THSD7A: variants seen among roughly 807,000 people sequenced by gnomAD.
The protein encoded by THSD7A is thrombospondin type-1 domain-containing protein 7A.
Under a neutral mutation model 231.3 loss-of-function variants are expected in THSD7A, and 96 were observed. That is an observed-to-expected ratio of 0.41 (90% CI 0.35 to 0.49). THSD7A has a LOEUF of 0.49. THSD7A is among the 20% of genes least tolerant of loss of function. The pLI is 0.05. For missense variants in THSD7A, 2,290 were observed against 2,070.2 expected (o/e 1.11, Z -2.06); for synonymous variants, 940 against 743.3 (o/e 1.26, Z -4.30).
intron 1 of THSD7A, among the ~76,000 whole-genome samples, chr7:11,662,312 T>C (rs1044788223): frequency 6.6e-6 from 1 of 151,306 alleles, no homozygotes; most frequent in Non-Finnish European, 1.5e-5. Flanking sequence ...TACAGATTGG[T>C]AAGTTTTAAT....
intron 6 of THSD7A, among the ~76,000 whole-genome samples, chr7:11,524,181 C>A (rs954237345): frequency 6.6e-6 from 1 of 152,100 alleles, no homozygotes; most frequent in Non-Finnish European, 1.5e-5. Context: ...TGTACCCTGG[C>A]TCTGTGGTGG....
At chr7:11,533,292 G>A (rs567561371) in intron 6 of THSD7A, among the ~76,000 whole-genome samples, 21 of 152,128 alleles carry the variant, frequency 1.4e-4, no homozygotes, top group Admixed American at 8.5e-4. Flanking sequence ...CATTTCTTAT[G>A]GAAAAGGAAA....
rs1781762292 is a variant in THSD7A, at chr7:11,634,451, A to G, written c.1022+1679T>C. On this transcript the variant is annotated intron_variant, in intron 2 of 27. Coordinates refer to ENST00000423059, the MANE Select transcript of THSD7A (RefSeq NM_015204.3). The surrounding 1 kb of genome is among the most constrained non-coding windows in gnomAD (Gnocchi z 4.1). Reference sequence around the variant, plus strand: ...CTCAACTTGTCTTGGAGACTCATTCAATTATTTGATGTCAGCCAAGTAACT... The same window carrying G: ...CTCAACTTGTCTTGGAGACTCATTCGATTATTTGATGTCAGCCAAGTAACT... 6.6e-6 allele frequency among the ~76,000 whole-genome samples: 1 copy of G among 152,214 alleles called. No homozygotes were observed. Among genetic ancestry groups the G allele is most frequent in the Non-Finnish European group, 1.5e-5 (1 of 68,034 alleles).
At chr7:11,667,955 A>C (rs1236067645) in intron 1 of THSD7A, among the ~76,000 whole-genome samples, 1 of 152,178 alleles carries the variant, frequency 6.6e-6, no homozygotes, top group Non-Finnish European at 1.5e-5. Flanking sequence ...TAGAATAAGA[A>C]GAGGCTTTAG....
rs73676027 is a variant in THSD7A at position 11,576,485 on chromosome 7, C to T, written c.1453+13975G>A. Among the ~76,000 whole-genome samples the T allele has an allele frequency of 2.8e-3, 425 of 152,256 alleles. 2 individuals carry two copies. Among genetic ancestry groups the T allele is most frequent in the African/African-American group, 9.7e-3 (402 of 41,566 alleles). Reference sequence around the variant, plus strand: ...ACACAGCACGAATGCATATTGTTCACATGGAAAGAGTCACTGCGATTCATA... The same window carrying T: ...ACACAGCACGAATGCATATTGTTCATATGGAAAGAGTCACTGCGATTCATA... On this transcript the variant is annotated intron_variant, in intron 4 of 27. Coordinates refer to ENST00000423059, the MANE Select transcript of THSD7A (RefSeq NM_015204.3).
intron 23 of THSD7A, among the ~76,000 whole-genome samples, chr7:11,390,668 G>C (rs10950346): frequency 1.3e-5 from 2 of 152,020 alleles, no homozygotes; most frequent in African/African-American, 4.8e-5. Context: ...GAGGGGAAGA[G>C]GCATTCTGGT....
At chr7:11,507,522 T>A (rs1787602555) in intron 6 of THSD7A, among the ~76,000 whole-genome samples, 4 of 152,032 alleles carry the variant, frequency 2.6e-5, no homozygotes, top group South Asian at 2.1e-4. Context: ...AAAAATATTA[T>A]CCTTATTTAG....
At chr7:11,756,496 G>T (rs972455888) in intron 1 of THSD7A, among the ~76,000 whole-genome samples, 1 of 152,030 alleles carries the variant, frequency 6.6e-6, no homozygotes, top group African/African-American at 2.4e-5. Flanking sequence ...TTTCTGAGAA[G>T]TGTCTAATGC....
intron 13 of THSD7A, among the ~76,000 whole-genome samples, chr7:11,430,435 T>C (rs1784444995): frequency 6.6e-6 from 1 of 152,204 alleles, no homozygotes; most frequent in Non-Finnish European, 1.5e-5. Flanking sequence ...AGACATTTCA[T>C]ATAAATGAAG....
intron 9 of THSD7A, among the ~76,000 whole-genome samples, chr7:11,465,244 C>T (rs947957463): frequency 6.6e-6 from 1 of 151,972 alleles, no homozygotes; most frequent in Non-Finnish European, 1.5e-5. Flanking sequence ...TCCACTTATT[C>T]CTTTATAGTG....
intron 4 of THSD7A, 28 bp from the exon 5 acceptor site, chr7:11,543,145 A>G: frequency 6.3e-7 from 1 of 1,590,338 alleles, no homozygotes; most frequent in Non-Finnish European, 8.6e-7. Flanking sequence ...CACATATTAA[A>G]AAATGAACAA....
At chr7:11,719,553 T>C (rs150870268) in intron 1 of THSD7A, among the ~76,000 whole-genome samples, 1 of 151,724 alleles carries the variant, frequency 6.6e-6, no homozygotes, top group Non-Finnish European at 1.5e-5. Flanking sequence ...GGTACTTCCA[T>C]GTCCACATGC....
Position 11,574,436 on chromosome 7 carries a change from CTT to C in THSD7A, c.1453+16022_1453+16023del, listed in dbSNP as rs535754264. ...CTGTCATAGAAAAGGGAAACAAAAA[CTT>C]TTTTTTTTTTTTTTGAGACAGAGTT... On this transcript the variant is annotated intron_variant, in intron 4 of 27. Transcript: ENST00000423059. 8.2e-3 allele frequency among the ~76,000 whole-genome samples: 1,128 copies of C among 138,188 alleles called. 14 individuals are homozygous for C. Among genetic ancestry groups the C allele is most frequent in the African/African-American group, 0.028 (1,048 of 37,104 alleles). The allele number at this position is 138,188 out of a possible 152,430, so 90.7% of individuals were successfully genotyped here.
At chr7:11,770,066 A>G (rs1783173597) in intron 1 of THSD7A, among the ~76,000 whole-genome samples, 1 of 152,070 alleles carries the variant, frequency 6.6e-6, no homozygotes, top group Non-Finnish European at 1.5e-5. Flanking sequence ...TACCTATTGC[A>G]TTGACACTTA....
At chr7:11,509,867 TGA>T (rs1787730958) in intron 6 of THSD7A, among the ~76,000 whole-genome samples, 1 of 135,444 alleles carries the variant, frequency 7.4e-6, no homozygotes, top group Non-Finnish European at 1.6e-5. Flanking sequence ...ATAAGTTAAA[TGA>T]CATATTAAGA....
intron 1 of THSD7A, among the ~76,000 whole-genome samples, chr7:11,680,950 C>A (rs1374864009): frequency 1.3e-5 from 2 of 152,036 alleles, no homozygotes; most frequent in Non-Finnish European, 2.9e-5. Context: ...TGGAACGAAC[C>A]CAAATGCCCA....
intron 1 of THSD7A, among the ~76,000 whole-genome samples, chr7:11,716,640 A>T (rs916025327): frequency 6.6e-6 from 1 of 151,458 alleles, no homozygotes; most frequent in Admixed American, 6.6e-5. Context: ...GGGTTTTTTT[A>T]AATCTTTATA....
chr7:11,684,858 A>G (rs1430970716), intron 1 of THSD7A, among the ~76,000 whole-genome samples: 2 of 152,016 alleles, frequency 1.3e-5, no homozygotes, highest in African/African-American at 4.8e-5. Context: ...TTCTTCCCAG[A>G]CTTAGAAAAG....
intron 22 of THSD7A, among the ~76,000 whole-genome samples, chr7:11,402,679 C>T (rs1426811792): frequency 6.6e-6 from 1 of 152,120 alleles, no homozygotes; most frequent in East Asian, 1.9e-4. Context: ...CAGAACATTC[C>T]CAGGATCTCA....
Sources: allele counts gnomAD v4.1 joint callset (sites outside exome capture counted in the v4.1 genomes callset), GRCh38; gene constraint gnomAD v4.1.1; non-coding constraint Gnocchi (gnomAD v3.1); transcripts MANE v1.5; gene names NCBI Gene and HGNC (gene_info 2026-07-23, HGNC 2026-07-21).